The following NUP107 variants were observed in gnomAD, a reference collection of about 807,000 sequenced individuals.
NUP107 encodes nuclear pore complex protein Nup107.
In NUP107, 101 loss-of-function variants were observed where a neutral mutation model predicts 141.0. That is an observed-to-expected ratio of 0.72 (90% CI 0.61 to 0.84). The LOEUF (loss-of-function observed/expected upper bound fraction) is 0.84, where lower values mean the gene tolerates loss of function less well. NUP107 is among the 40% of genes least tolerant of loss of function. The pLI is 0.00. For missense variants in NUP107, 941 were observed against 1,102.7 expected (o/e 0.85, Z 2.08); for synonymous variants, 319 against 363.9 (o/e 0.88, Z 1.41).
chr12:68,726,523 G>A lies in NUP107; in HGVS notation c.1601G>A (p.Trp534Ter). The A allele has an allele frequency of 2.5e-6, 4 of 1,613,396 alleles. No individual in the cohort carries two copies. Among genetic ancestry groups the A allele is most frequent in the Non-Finnish European group, 2.5e-6 (3 of 1,179,496 alleles). ...IDGLMDEFSK[W>*]LSKSRNNLPG... is the part of the protein sequence containing the mutation. Reference sequence around the variant, plus strand: ...GGTTTGATGGATGAGTTTAGCAAATGGCTTTCCAAAAGCAGAAACAATCTA... The same window carrying A: ...GGTTTGATGGATGAGTTTAGCAAATAGCTTTCCAAAAGCAGAAACAATCTA... The change falls in exon 19 of 28, where the codon TGG (tryptophan) becomes TAG (stop). Residue 534 changes from tryptophan to a stop codon, truncating the protein, a stop_gained. Coordinates refer to ENST00000229179, the MANE Select transcript of NUP107 (RefSeq NM_020401.4). LOFTEE classifies it high-confidence loss of function.
chr12:68,706,897 G>A (rs1406574649), intron 8 of NUP107: 11 of 736,106 alleles, frequency 1.5e-5, no homozygotes, highest in South Asian at 9.8e-5. Flanking sequence ...GTCTGAGCTC[G>A]GCCTATGGGG....
chr12:68,730,214 C>CTTTTTTTTTTTTTTTTTT (rs756700880), intron 20 of NUP107, among the ~76,000 whole-genome samples: 3 of 85,372 alleles, frequency 3.5e-5, no homozygotes, highest in Non-Finnish European at 6.6e-5. Flanking sequence ...GTGATACTAC[C>CTTTTTTTTTTTTTTTTTT]TTTTTTTTTT....
At chr12:68,699,651 A>G (rs144077922) in intron 6 of NUP107, among the ~76,000 whole-genome samples, 226 of 152,338 alleles carry the variant, frequency 1.5e-3, no homozygotes, top group African/African-American at 4.8e-3. Flanking sequence ...TTAAGACAGT[A>G]GTAACATTAC....
intron 18 of NUP107, among the ~76,000 whole-genome samples, chr12:68,726,044 A>G: frequency 6.6e-6 from 1 of 151,930 alleles, no homozygotes; most frequent in South Asian, 2.1e-4. Context: ...GCTGTTGGCC[A>G]GGCTGGTCTC....
intron 23 of NUP107, 41 bp downstream of exon 23, chr12:68,732,780 A>G (rs1031911815): frequency 2.3e-6 from 3 of 1,305,434 alleles, no homozygotes; most frequent in African/African-American, 2.9e-5. Flanking sequence ...CCTGGGCTCC[A>G]TTCTTCTTCC....
At chr12:68,711,072 C>T (rs1216129783) in intron 10 of NUP107, among the ~76,000 whole-genome samples, 3 of 151,800 alleles carry the variant, frequency 2.0e-5, no homozygotes, top group East Asian at 3.9e-4. Flanking sequence ...CTGGCTAATG[C>T]GGTAAAACCC....
At chr12:68,704,358 T>C (rs545603009) in intron 8 of NUP107, among the ~76,000 whole-genome samples, 1 of 152,288 alleles carries the variant, frequency 6.6e-6, no homozygotes, top group South Asian at 2.1e-4. Context: ...CTATATCTGT[T>C]TTGAAAAAAT....
chr12:68,726,651 A>AT (rs1370828638), intron 19 of NUP107, 34 bp downstream of exon 19: 1 of 1,263,668 alleles, frequency 7.9e-7, no homozygotes, highest in South Asian at 1.2e-5. Flanking sequence ...TCTTCTCTGT[A>AT]ATGTTGATGC....
At chr12:68,700,032 A>G (rs1876251389) in intron 6 of NUP107, among the ~76,000 whole-genome samples, 1 of 151,994 alleles carries the variant, frequency 6.6e-6, no homozygotes, top group Non-Finnish European at 1.5e-5. Context: ...CCTCCTGAGT[A>G]GCTGGGATTA....
chr12:68,731,576 TTG>T (rs1653057620), intron 21 of NUP107, 29 bp from the exon 22 acceptor site: 1 of 1,317,522 alleles, frequency 7.6e-7, no homozygotes, highest in Admixed American at 2.4e-5. Flanking sequence ...TGATTAATCT[TTG>T]TTTTTTGTCG....
Position 68,743,342 on chromosome 12 carries a change from C to T in NUP107, c.*880C>T. ...TCTTGAACCTGGAAGGCAGAGGTTG[C>T]AGTGAGCCGAGATCACGCCACTGCA... On this transcript the variant is annotated 3_prime_UTR_variant, in exon 28 of 28. Transcript: ENST00000229179. The T allele has an allele frequency of 6.6e-6, 1 of 152,536 alleles. No individual in the cohort carries two copies. The highest frequency in any genetic ancestry group is 1.5e-5 in the Non-Finnish European group (1 of 68,246). The allele number at this position is 152,536 out of a possible 1,614,324, so 9.4% of individuals were successfully genotyped here.
At chr12:68,705,706 T>A (rs1427093255) in intron 8 of NUP107, 16 of 654,930 alleles carry the variant, frequency 2.4e-5, no homozygotes, top group Non-Finnish European at 4.3e-5. Flanking sequence ...TAGCCATTCC[T>A]ACATGTGTGG....
chr12:68,722,228 G>A (rs1294314061), intron 17 of NUP107, 76 bp downstream of exon 17: 1 of 1,184,546 alleles, frequency 8.4e-7, no homozygotes, highest in East Asian at 2.5e-5. Context: ...TAGCTGAAAG[G>A]AAAAAGGTGG....
chr12:68,740,749 TGTA>T (rs1223110100), intron 26 of NUP107, among the ~76,000 whole-genome samples: 1 of 152,100 alleles, frequency 6.6e-6, no homozygotes, highest in Non-Finnish European at 1.5e-5. Flanking sequence ...TTTCAGAAAT[TGTA>T]GTGTGTAATT....
intron 17 of NUP107, among the ~76,000 whole-genome samples, chr12:68,724,596 GC>G (rs1325856870): frequency 6.6e-6 from 1 of 152,012 alleles, no homozygotes; most frequent in Non-Finnish European, 1.5e-5. Flanking sequence ...GGACAACATG[GC>G]AAAACCCCAT....
Position 68,710,050 on chromosome 12 carries a change from G to T in NUP107, c.847G>T (p.Glu283Ter). The T allele has an allele frequency of 6.3e-7, 1 of 1,598,920 alleles. No individual in the cohort carries two copies. The highest frequency in any genetic ancestry group is 8.6e-7 in the Non-Finnish European group (1 of 1,168,120). Residue 283 changes from glutamate (E) to a stop codon, truncating the protein, a stop_gained, in exon 10 of 28, where the codon GAA becomes TAA. Transcript: ENST00000229179. LOFTEE classifies it high-confidence loss of function. ...GAGTATTGCCAAAGATGAAATTGGA[G>T]AATTTTCTGATAATATTGAGTTTTA... ...LESIAKDEIG[E>*]FSDNIEFYAK...
chr12:68,687,004 A>G lies in NUP107; in HGVS notation c.-62A>G. 6.2e-7 allele frequency: 1 copy of G among 1,611,274 alleles called. No individual in the cohort carries two copies. Among genetic ancestry groups the G allele is most frequent in the South Asian group, 1.1e-5 (1 of 91,002 alleles). On this transcript the variant is annotated 5_prime_UTR_variant, in exon 1 of 28. Transcript: ENST00000229179. ...AAGGGCTTGCTTCCGGAGAGCGGGAAGGCTAAAACGCGGTAGCTAAACTGC... is the reference window on the plus strand; with the variant it reads ...AAGGGCTTGCTTCCGGAGAGCGGGAGGGCTAAAACGCGGTAGCTAAACTGC...
chr12:68,734,009 G>A (rs947494157), intron 24 of NUP107, among the ~76,000 whole-genome samples: 17 of 152,144 alleles, frequency 1.1e-4, no homozygotes, highest in Non-Finnish European at 1.6e-4. Context: ...GGTGACTCAC[G>A]CCTATAATCC....
chr12:68,702,414 C>T (rs536485792), intron 7 of NUP107, among the ~76,000 whole-genome samples: 69 of 152,104 alleles, frequency 4.5e-4, no homozygotes, highest in African/African-American at 1.6e-3. Context: ...CGTGACCCAC[C>T]GTGCCCTGCC....
Sources: allele counts gnomAD v4.1 joint callset (sites outside exome capture counted in the v4.1 genomes callset), GRCh38; gene constraint gnomAD v4.1.1; transcripts MANE v1.5; gene names NCBI Gene and HGNC (gene_info 2026-07-23, HGNC 2026-07-21).